Variants in PCGF1 observed in about 807,000 individuals in gnomAD.
The protein encoded by PCGF1 is polycomb group ring finger 1, also known as polycomb group RING finger protein 1.
A neutral mutation model predicts 38.8 loss-of-function variants in PCGF1; 10 were observed. The observed-to-expected ratio is 0.26, with a 90% CI of 0.16 to 0.44. The LOEUF is 0.44. PCGF1 is among the 20% of genes least tolerant of loss of function. PCGF1 has a pLI of 1.00. For missense variants in PCGF1, 230 were observed against 331.5 expected (o/e 0.69, Z 2.38); for synonymous variants, 119 against 121.3 (o/e 0.98, Z 0.12).
At chr2:74,506,097 T>C (rs1674625174) in intron 4 of PCGF1, 40 bp from the exon 5 acceptor site, 1 of 1,612,322 alleles carries the variant, frequency 6.2e-7, no homozygotes, top group African/African-American at 1.3e-5. Context: ...GTGGCACACA[T>C]TCCATACTCC....
intron 5 of PCGF1, 50 bp from the exon 6 acceptor site, chr2:74,505,820 C>T (rs1674617539): frequency 1.2e-6 from 2 of 1,611,644 alleles, no homozygotes; most frequent in South Asian, 1.1e-5. Flanking sequence ...CCTCCTCTTC[C>T]CCACCCAGAG....
intron 8 of PCGF1, 25 bp from the exon 9 acceptor site, chr2:74,505,215 A>G: frequency 6.4e-7 from 1 of 1,565,032 alleles, no homozygotes; most frequent in Non-Finnish European, 8.7e-7. Flanking sequence ...AGGAAGTAGT[A>G]GTCAGTGGGG....
rs765514462 is a variant in PCGF1, at chr2:74,505,972, G to T, written c.510C>A (p.Asn170Lys). 1 of 1,614,134 alleles carries T rather than the reference G, an allele frequency of 6.2e-7. No homozygotes were observed. The highest frequency in any genetic ancestry group is 8.5e-7 in the Non-Finnish European group (1 of 1,180,032). Residue 170 changes from asparagine (N) to lysine (K), a missense_variant, in exon 5 of 9, where the codon AAC becomes AAA. This residue lies in a region of PCGF1 where 144 missense variants were observed against 182.4 expected (regional missense o/e 0.79). Coordinates refer to ENST00000233630, the MANE Select transcript of PCGF1 (RefSeq NM_032673.3). ...AHYYRYDEQL[N>K]LCLERLSSGK... The stretch of plus-strand genomic sequence containing the variant: ...CTCACCTCAGCCGCTCCAGGCACAG[G>T]TTCAACTGCTCATCATAGCGATAGT...
chr2:74,507,227 T>A (rs1674660272), intron 1 of PCGF1, 80 bp from the exon 2 acceptor site: 1 of 1,524,712 alleles, frequency 6.6e-7, no homozygotes, highest in Non-Finnish European at 8.9e-7. Flanking sequence ...GGTCGCCTCC[T>A]TCATCACACT....
chr2:74,507,432 A>T, intron 1 of PCGF1, 144 bp downstream of exon 1: 1 of 1,465,060 alleles, frequency 6.8e-7, no homozygotes, highest in Non-Finnish European at 9.0e-7. Context: ...GGAGTTTGGC[A>T]ACCCGATCGC....
At chr2:74,505,308 G>T in intron 8 of PCGF1, 31 bp downstream of exon 8, 7 of 1,593,428 alleles carry the variant, frequency 4.4e-6, no homozygotes, top group Non-Finnish European at 6.0e-6. Flanking sequence ...TCTGAAGGGG[G>T]TGTGATCCCA....
At chr2:74,507,527 C>A (rs748765522) in intron 1 of PCGF1, 49 bp downstream of exon 1, 1 of 1,549,442 alleles carries the variant, frequency 6.5e-7, no homozygotes, top group South Asian at 1.2e-5. Flanking sequence ...TAGCCCGCCC[C>A]AATTCGCACC....
At chr2:74,507,302 C>A (rs971548019) in intron 1 of PCGF1, 155 bp from the exon 2 acceptor site, 5 of 1,469,978 alleles carry the variant, frequency 3.4e-6, no homozygotes, top group Non-Finnish European at 4.5e-6. Flanking sequence ...TGGCACTCCC[C>A]CTCCGCCCAG....
rs370306832 is a variant in PCGF1 at position 74,505,934 on chromosome 2, C to A, written c.530+18G>T. Reference sequence around the variant, plus strand: ...CATTGGCACTGTCACCTCCTGCAACCCCTGACCTTCTCCTCACCTCAGCCG... The same window carrying A: ...CATTGGCACTGTCACCTCCTGCAACACCTGACCTTCTCCTCACCTCAGCCG... On this transcript the variant is annotated intron_variant, in intron 5 of 8. Transcript: ENST00000233630. 88 of 1,613,074 alleles carry A rather than the reference C, an allele frequency of 5.5e-5. No individual in the cohort carries two copies. The African/African-American group carries it at 1.1e-3, about 21-fold the overall frequency.
chr2:74,505,499 C>T, intron 7 of PCGF1, 53 bp downstream of exon 7: 3 of 1,611,540 alleles, frequency 1.9e-6, no homozygotes, highest in Non-Finnish European at 2.5e-6. Flanking sequence ...GACTCTGTCC[C>T]TCCTTTCTTA....
In PCGF1 at chr2:74,505,497, CCCT is replaced by C. The variant is rs1674608270; in HGVS notation, c.651+52_651+54del. On this transcript the variant is annotated intron_variant, in intron 7 of 8. Transcript: ENST00000233630. Reference sequence around the variant, plus strand: ...TACCCTGGTCCACCCTAGACTCTGTCCCTCCTTTCTTAGCCCCTTCTCCCCCTC... The same window carrying C: ...TACCCTGGTCCACCCTAGACTCTGTCCCTTTCTTAGCCCCTTCTCCCCCTC... 4 of 1,610,802 alleles carry C rather than the reference CCCT, an allele frequency of 2.5e-6. No homozygotes were observed. The South Asian group carries it at 3.3e-5, about 13-fold the overall frequency.
Position 74,505,765 on chromosome 2 carries a change from C to G in PCGF1, c.536G>C (p.Gly179Ala), listed in dbSNP as rs754127411. The change falls in exon 6 of 9, where the codon GGC (glycine) becomes GCC (alanine). Residue 179 changes from glycine (G) to alanine (A), a missense_variant. Gly to Ala is a moderately conservative substitution (Grantham distance 60, BLOSUM62 0). Coordinates refer to ENST00000233630, the MANE Select transcript of PCGF1 (RefSeq NM_032673.3). ...CAGGACGCTTTTATTCTTGTCTTTG[C>G]CAGAACTGGGGGGAAATAGACACAG... is the stretch of plus-strand genomic sequence containing the variant. ...LNLCLERLSS[G>A]KDKNKSVLQN... The G allele has an allele frequency of 6.2e-7, 1 of 1,614,148 alleles. No homozygotes were observed.
rs940174750 is a variant in PCGF1 at position 74,507,683 on chromosome 2, C to T, written c.-15G>A. 41 of 1,551,700 alleles carry T rather than the reference C, an allele frequency of 2.6e-5. No homozygotes were observed. The highest frequency in any genetic ancestry group is 3.0e-5 in the Non-Finnish European group (35 of 1,148,064). ...GGAGACGCCATCTTAAAGGCTGATC[C>T]CAGCCGGCCACTTCCGGTGCCGCCT... On this transcript the variant is annotated 5_prime_UTR_variant, in exon 1 of 9. Coordinates refer to ENST00000233630, the MANE Select transcript of PCGF1 (RefSeq NM_032673.3).
chr2:74,506,310 G>C (rs1028093940), intron 3 of PCGF1, 58 bp from the exon 4 acceptor site: 6 of 1,513,462 alleles, frequency 4.0e-6, no homozygotes. Flanking sequence ...GGGCGCGGTG[G>C]CTCACGCCTG....
At chr2:74,506,082 G>A in intron 4 of PCGF1, 25 bp from the exon 5 acceptor site, 2 of 1,613,130 alleles carry the variant, frequency 1.2e-6, no homozygotes, top group Non-Finnish European at 1.7e-6. Context: ...GTAGTGAGGT[G>A]GCTGGTGGCA....
Position 74,505,576 on chromosome 2 carries a change from G to A in PCGF1, c.627C>T (p.His209=). 1 of 1,614,140 alleles carries A rather than the reference G, an allele frequency of 6.2e-7. No homozygotes were observed. Among genetic ancestry groups the A allele is most frequent in the Non-Finnish European group, 8.5e-7 (1 of 1,180,022 alleles). The stretch of plus-strand genomic sequence containing the variant: ...CATGCTGAGGGTTTAGCATCAAGCG[G>A]TGACACAGGACCCTCCGGAGATGGC... ...EVRHLRRVLC[H]RLMLNPQHVQ... The change falls in exon 7 of 9, where the codon CAC becomes CAT. Residue 209 remains histidine (H), a synonymous_variant. Transcript: ENST00000233630.
At chr2:74,507,497 G>A (rs1674669995) in intron 1 of PCGF1, 79 bp downstream of exon 1, 6 of 1,526,472 alleles carry the variant, frequency 3.9e-6, no homozygotes, top group South Asian at 2.4e-5. Flanking sequence ...TGGGCGCCCG[G>A]CCAGCCACCG....
Position 74,506,568 on chromosome 2 carries a change from T to C in PCGF1, c.352+164A>G, listed in dbSNP as rs1572977334. On this transcript the variant is annotated intron_variant, in intron 3 of 8. Coordinates refer to ENST00000233630, the MANE Select transcript of PCGF1 (RefSeq NM_032673.3). ...ACTCCAGCCTGGGCAAGACTCCGTC[T>C]CAAAAAAAGAAAAAAAAGAATAAAG... is the stretch of plus-strand genomic sequence containing the variant. The C allele has an allele frequency of 1.6e-5, 13 of 792,826 alleles. No individual in the cohort carries two copies. In the East Asian group the frequency reaches 3.5e-4, roughly 21 times the overall value. 49.1% of individuals were successfully genotyped at this position (792,826 alleles called of 1,614,324 possible).
intron 4 of PCGF1, 32 bp downstream of exon 4, chr2:74,506,149 G>A (rs201679071): frequency 1.9e-4 from 301 of 1,613,506 alleles, no homozygotes; most frequent in Middle Eastern, 9.9e-4. Context: ...GAATGCTCTG[G>A]GGTCTTTACT....
Sources: allele counts gnomAD v4.1 joint callset, GRCh38; gene constraint gnomAD v4.1.1; regional missense constraint gnomAD v4.1.1; transcripts MANE v1.5; gene names NCBI Gene and HGNC (gene_info 2026-07-23, HGNC 2026-07-21).